Variants in MTA1 observed in about 807,000 individuals in gnomAD.
The protein encoded by MTA1 is metastasis associated 1.
A neutral mutation model predicts 97.0 loss-of-function variants in MTA1; 15 were observed. The ratio of observed to expected loss-of-function variants is 0.15; its 90% CI spans 0.10 to 0.24. MTA1 has a LOEUF of 0.24. Ranked by LOEUF, MTA1 falls within the 10% of genes least tolerant of loss-of-function variation. MTA1 has a pLI of 1.00. For synonymous variants in MTA1, 435 were observed against 417.5 expected (o/e 1.04, Z -0.51); for missense variants, 709 against 1,015.1 (o/e 0.70, Z 4.10).
chr14:105,435,641 G>A (rs1297898439), intron 1 of MTA1, among the ~76,000 whole-genome samples: 4 of 152,154 alleles, frequency 2.6e-5, no homozygotes, highest in African/African-American at 9.7e-5. Flanking sequence ...TGTAGAATTG[G>A]TGTTAATTTT....
intron 7 of MTA1, among the ~76,000 whole-genome samples, chr14:105,456,576 C>T (rs1303820146): frequency 6.6e-6 from 1 of 152,244 alleles, no homozygotes; most frequent in Non-Finnish European, 1.5e-5. Flanking sequence ...CCAGAGCTTT[C>T]CCCACCTCCG....
chr14:105,449,460 C>A, intron 4 of MTA1, 51 bp downstream of exon 4: 1 of 1,590,782 alleles, frequency 6.3e-7, no homozygotes, highest in Non-Finnish European at 8.6e-7. Flanking sequence ...TGTCCCTGGG[C>A]TGGGGGCGGC....
At position 105,463,910 on chromosome 14, in the gene MTA1, G is replaced by A; in HGVS notation, c.1077-122G>A. On this transcript the variant is annotated intron_variant, in intron 12 of 20. Transcript: ENST00000331320. This position sits in a 1 kb window ranked among gnomAD's most constrained non-coding sequence, Gnocchi z 5.9. ...GGGAGAAAGGAAGATCCCTGCCGAG[G>A]CCGAGGGGTGCGAGGACGTGGTTCT... 1 of 913,552 alleles carries A rather than the reference G, an allele frequency of 1.1e-6. No homozygotes were observed. The highest frequency in any genetic ancestry group is 1.8e-6 in the Non-Finnish European group (1 of 559,748). 56.6% of individuals were successfully genotyped at this position (913,552 alleles called of 1,614,324 possible). A position where few individuals can be genotyped will look rare whatever the true frequency, so the allele number is the denominator to read the frequency against.
chr14:105,469,652 C>A, intron 19 of MTA1, 154 bp downstream of exon 19: 1 of 1,204,412 alleles, frequency 8.3e-7, no homozygotes, highest in Non-Finnish European at 1.2e-6. Flanking sequence ...GGGGCCATGG[C>A]CCCTGTGCCA....
intron 1 of MTA1, among the ~76,000 whole-genome samples, chr14:105,431,134 G>A (rs892742173): frequency 2.8e-4 from 42 of 152,296 alleles, no homozygotes; most frequent in African/African-American, 1.0e-3. Context: ...AGGTTCTGCA[G>A]CTGAAGGGCT....
intron 18 of MTA1, 199 bp downstream of exon 18, chr14:105,466,941 G>C: frequency 1.6e-6 from 1 of 612,748 alleles, no homozygotes; most frequent in South Asian, 2.0e-5. Flanking sequence ...CAGGCATCTG[G>C]CCCTCGGCCC....
chr14:105,433,552 A>G (rs587713832), intron 1 of MTA1, among the ~76,000 whole-genome samples: 1 of 152,200 alleles, frequency 6.6e-6, no homozygotes, highest in African/African-American at 2.4e-5. Context: ...CGGGCAATCC[A>G]AGCCTGCTGA....
intron 2 of MTA1, among the ~76,000 whole-genome samples, chr14:105,443,314 G>A (rs2082607081): frequency 6.6e-6 from 1 of 152,158 alleles, no homozygotes; most frequent in Non-Finnish European, 1.5e-5. Context: ...CCTCGAGAAC[G>A]CCCGGCTCCC....
intron 7 of MTA1, 121 bp downstream of exon 7, chr14:105,454,431 C>T: frequency 4.1e-6 from 3 of 723,598 alleles, no homozygotes; most frequent in Non-Finnish European, 7.4e-6. Flanking sequence ...CTGGGGGCGG[C>T]AGGTGTAGGC....
At chr14:105,467,555 TC>T (rs2083648319) in intron 18 of MTA1, 1 of 448,940 alleles carries the variant, frequency 2.2e-6, no homozygotes, top group Non-Finnish European at 4.5e-6. Context: ...GGGCCTGAGA[TC>T]GGGTGCCGGG....
intron 7 of MTA1, among the ~76,000 whole-genome samples, chr14:105,455,978 A>C (rs1280403817): frequency 6.7e-6 from 1 of 150,312 alleles, no homozygotes; most frequent in Non-Finnish European, 1.5e-5. Flanking sequence ...TGTGGGTCTG[A>C]GTGTGGAGAG....
In MTA1 at chr14:105,450,916, G is replaced by C. The variant is rs191770994; in HGVS notation, c.432+592G>C. ...TGCTGTGAGATCCAGCGAACGGGAG[G>C]GTTGGGTTTTCTGAGGCCACGTGGG... On this transcript the variant is annotated intron_variant, in intron 6 of 20. Transcript: ENST00000331320. Among the ~76,000 whole-genome samples the C allele has an allele frequency of 1.5e-3, 229 of 152,366 alleles. 1 individual carries two copies. The highest frequency in any genetic ancestry group is 3.9e-3 in the South Asian group (19 of 4,828).
chr14:105,432,265 G>A (rs1363980948), intron 1 of MTA1, among the ~76,000 whole-genome samples: 2 of 152,060 alleles, frequency 1.3e-5, no homozygotes, highest in South Asian at 2.1e-4. Flanking sequence ...TTTTGAGACG[G>A]AGTCTTGCTC....
At chr14:105,430,661 C>T (rs1031593894) in intron 1 of MTA1, among the ~76,000 whole-genome samples, 9 of 152,088 alleles carry the variant, frequency 5.9e-5, no homozygotes, top group African/African-American at 1.4e-4. Flanking sequence ...GCATGATGCC[C>T]GTGTAGATGT....
chr14:105,451,297 C>T (rs782364064), intron 6 of MTA1, among the ~76,000 whole-genome samples: 8 of 152,250 alleles, frequency 5.3e-5, no homozygotes, highest in South Asian at 4.1e-4. Flanking sequence ...TGGAAACAGG[C>T]GTGAAGGGCG....
intron 2 of MTA1, among the ~76,000 whole-genome samples, chr14:105,444,896 G>A (rs1456362178): frequency 3.9e-5 from 6 of 152,078 alleles, no homozygotes; most frequent in South Asian, 2.1e-4. Context: ...ATAAAAACTC[G>A]TTCAGAAAAC....
intron 1 of MTA1, among the ~76,000 whole-genome samples, chr14:105,429,937 A>T (rs1393029500): frequency 1.3e-5 from 2 of 150,340 alleles, no homozygotes; most frequent in Non-Finnish European, 3.0e-5. Flanking sequence ...TTTTATTTTT[A>T]GTAGAGATGG....
At chr14:105,467,438 G>C in intron 18 of MTA1, 1 of 455,938 alleles carries the variant, frequency 2.2e-6, no homozygotes. Context: ...ATGGGTAGTG[G>C]CTGCCCAGCC....
In MTA1 at chr14:105,450,170, C is replaced by T. The variant is rs144637428; in HGVS notation, c.354C>T (p.Pro118=). 42 of 1,613,020 alleles carry T rather than the reference C, an allele frequency of 2.6e-5. 1 individual carries two copies. The African/African-American group carries it at 2.7e-4, about 10-fold the overall frequency. The part of the protein sequence containing the change: ...LFLSRQLESL[P]ATHIRGKCSV... ...TCTCCCGGCAGCTGGAGTCTCTGCC[C>T]GCCACGCACATCAGGTAGCCCCCAG... The change falls in exon 5 of 21, where the codon CCC becomes CCT. Residue 118 remains proline (P), a synonymous_variant. Transcript: ENST00000331320.
Sources: allele counts gnomAD v4.1 joint callset (sites outside exome capture counted in the v4.1 genomes callset), GRCh38; gene constraint gnomAD v4.1.1; non-coding constraint Gnocchi (gnomAD v3.1); transcripts MANE v1.5; gene names NCBI Gene and HGNC (gene_info 2026-07-23, HGNC 2026-07-21).